Variants in TBC1D19 observed in about 807,000 individuals in gnomAD.
TBC1D19 encodes the protein TBC1 domain family, member 19.
TBC1D19 carries 60 observed loss-of-function variants against 89.0 expected under a neutral mutation model. The observed-to-expected ratio is 0.67, with a 90% confidence interval of 0.55 to 0.84. The LOEUF is 0.84. TBC1D19 is among the 40% of genes least tolerant of loss of function. The pLI is 0.00. For synonymous variants in TBC1D19, 189 were observed against 199.7 expected (o/e 0.95, Z 0.45); for missense variants, 500 against 610.8 (o/e 0.82, Z 1.91).
chr4:26,604,741 C>G (rs1262284235), intron 1 of TBC1D19, among the ~76,000 whole-genome samples: 1 of 151,616 alleles, frequency 6.6e-6, no homozygotes, highest in Non-Finnish European at 1.5e-5. Flanking sequence ...ATTAGCCGGG[C>G]ATGGTGGCGG....
At chr4:26,824,259 G>A in the TBC1D19 span, among the ~76,000 whole-genome samples, 111 of 152,210 alleles carry the variant, frequency 7.3e-4, 1 homozygote, top group Non-Finnish European at 6.2e-4. Flanking sequence ...GCAACAGTGC[G>A]TGAGGCCTGA....
chr4:26,585,255 C>T (rs1181546502), intron 1 of TBC1D19: 3 of 417,970 alleles, frequency 7.2e-6, no homozygotes, highest in African/African-American at 2.1e-5. Flanking sequence ...TTTCCATTCC[C>T]ACAAGCAATT....
chr4:26,698,531 C>A lies in TBC1D19; in HGVS notation c.954+10124C>A, dbSNP rs142501469. ...AAACTACTTTAAAGTTCATATGGAACCAAAAATGAGCCCACATCGCCAAGA... is the reference window on the plus strand; with the variant it reads ...AAACTACTTTAAAGTTCATATGGAAACAAAAATGAGCCCACATCGCCAAGA... On this transcript the variant is annotated intron_variant, in intron 13 of 20. Transcript: ENST00000264866. Among the ~76,000 whole-genome samples the A allele has an allele frequency of 8.0e-3, 1,222 of 152,190 alleles. 6 individuals carry two copies. Among genetic ancestry groups the A allele is most frequent in the Middle Eastern group, 0.014 (4 of 294 alleles).
chr4:26,668,146 T>C (rs1296874049), intron 9 of TBC1D19, among the ~76,000 whole-genome samples: 1 of 151,904 alleles, frequency 6.6e-6, no homozygotes, highest in Non-Finnish European at 1.5e-5. Flanking sequence ...CTTTTTCTTA[T>C]TTTATAAGAA....
chr4:26,795,456 A>G, the TBC1D19 span, among the ~76,000 whole-genome samples: 1 of 152,090 alleles, frequency 6.6e-6, no homozygotes, highest in Non-Finnish European at 1.5e-5. Flanking sequence ...CTTCACTCTA[A>G]CGTAAGCTCT....
chr4:26,651,401 G>A lies in TBC1D19; in HGVS notation c.481-8196G>A, dbSNP rs542414284. ...TCCTCTTTTATTTCATTGAGCAGTG[G>A]TTTGTAGTTCTCCTTCAAGAGGTCC... On this transcript the variant is annotated intron_variant, in intron 7 of 20. Coordinates refer to ENST00000264866, the MANE Select transcript of TBC1D19 (RefSeq NM_018317.4). Among the ~76,000 whole-genome samples, 11 of 152,262 alleles carry A rather than the reference G, an allele frequency of 7.2e-5. No individual in the cohort carries two copies. In the East Asian group the frequency reaches 2.1e-3, roughly 29 times the overall value.
chr4:26,736,827 A>T (rs997999686), intron 16 of TBC1D19, among the ~76,000 whole-genome samples: 32 of 152,338 alleles, frequency 2.1e-4, no homozygotes, highest in African/African-American at 7.7e-4. Flanking sequence ...TGGGTGATGC[A>T]TATGCAGGCT....
chr4:26,708,972 A>G (rs1228998197), intron 13 of TBC1D19, among the ~76,000 whole-genome samples: 5 of 150,408 alleles, frequency 3.3e-5, no homozygotes, highest in Admixed American at 2.7e-4. Flanking sequence ...TTTCAAGGAC[A>G]GTTGTCAATT....
At chr4:26,759,078 C>T (rs1719371182), downstream of TBC1D19, among the ~76,000 whole-genome samples, 1 of 152,192 alleles carries the variant, frequency 6.6e-6, no homozygotes, top group South Asian at 2.1e-4. Flanking sequence ...TACATCAAAA[C>T]CCACCTCAGG....
At chr4:26,763,766 G>T in the TBC1D19 span, among the ~76,000 whole-genome samples, 56 of 152,186 alleles carry the variant, frequency 3.7e-4, no homozygotes, top group Non-Finnish European at 6.3e-4. Context: ...ATACATAAAA[G>T]TATCTTGAAT....
intron 1 of TBC1D19, among the ~76,000 whole-genome samples, chr4:26,606,853 T>C (rs1741041962): frequency 6.6e-6 from 1 of 152,200 alleles, no homozygotes; most frequent in Non-Finnish European, 1.5e-5. Context: ...GAACTTCCTA[T>C]GCCCTCATTT....
intron 1 of TBC1D19, among the ~76,000 whole-genome samples, chr4:26,603,341 T>C (rs1740758103): frequency 6.6e-6 from 1 of 152,214 alleles, no homozygotes; most frequent in Admixed American, 6.5e-5. Flanking sequence ...TACAAAATTA[T>C]GTATGATACG....
chr4:26,835,160 C>T, the TBC1D19 span, among the ~76,000 whole-genome samples: 1 of 152,146 alleles, frequency 6.6e-6, no homozygotes, highest in Non-Finnish European at 1.5e-5. Context: ...ATGTAATCAC[C>T]TGTGTCCTTA....
intron 1 of TBC1D19, among the ~76,000 whole-genome samples, chr4:26,602,435 CTTTTTTTTTTTTT>C (rs34004440): frequency 4.1e-5 from 3 of 73,058 alleles, no homozygotes; most frequent in Non-Finnish European, 8.0e-5. Flanking sequence ...CTATTGTATT[CTTTTTTTTTTTTT>C]TTTTTTTTTT....
At chr4:26,836,093 TC>T in the TBC1D19 span, among the ~76,000 whole-genome samples, 1 of 152,086 alleles carries the variant, frequency 6.6e-6, no homozygotes, top group Non-Finnish European at 1.5e-5. Context: ...GACTTTGGCT[TC>T]CTCTGGAAGC....
intron 1 of TBC1D19, among the ~76,000 whole-genome samples, chr4:26,577,629 A>G (rs902094): frequency 0.98 from 149,001 of 152,250 alleles, 73,000 homozygotes; most frequent in East Asian, 1. Context: ...TAATAGGTAG[A>G]GGTAATTCTA....
At position 26,755,490 on chromosome 4, in the gene TBC1D19, A is replaced by G. The variant is rs1157532116; in HGVS notation, c.*543A>G. 6.6e-6 allele frequency: 1 copy of G among 152,156 alleles called. No homozygotes were observed. Among genetic ancestry groups the G allele is most frequent in the Non-Finnish European group, 1.5e-5 (1 of 68,002 alleles). The allele number at this position is 152,156 out of a possible 1,614,324, so 9.4% of individuals were successfully genotyped here. On this transcript the variant is annotated 3_prime_UTR_variant, in exon 21 of 21. Transcript: ENST00000264866. Reference sequence around the variant, plus strand: ...TGTTTTAAGCAACTTTTTACACCCCAGGGATTTTCTACATTTCTCTCCATT... The same window carrying G: ...TGTTTTAAGCAACTTTTTACACCCCGGGGATTTTCTACATTTCTCTCCATT...
At chr4:26,690,237 C>T (rs1370018595) in intron 13 of TBC1D19, among the ~76,000 whole-genome samples, 3 of 152,066 alleles carry the variant, frequency 2.0e-5, no homozygotes, top group Non-Finnish European at 4.4e-5. Context: ...TGAAAGCTAG[C>T]AAAGGTTGGT....
chr4:26,689,208 T>A (rs1206449729), intron 13 of TBC1D19, among the ~76,000 whole-genome samples: 2 of 152,102 alleles, frequency 1.3e-5, no homozygotes, highest in Non-Finnish European at 2.9e-5. Flanking sequence ...AAGACTTATT[T>A]ATAAAGTTAA....
Sources: gnomAD v4.1 joint callset for allele counts (sites outside exome capture counted in the v4.1 genomes callset) on GRCh38, gnomAD v4.1.1 for gene constraint, MANE v1.5 for transcripts, NCBI Gene and HGNC (gene_info 2026-07-23, HGNC 2026-07-21) for gene names.